Variants in WWOX observed in about 807,000 individuals in gnomAD.
WWOX encodes WW domain containing oxidoreductase.
Under a neutral mutation model 46.2 loss-of-function variants are expected in WWOX, and 69 were observed. The observed-to-expected ratio is 1.49, with a 90% confidence interval of 1.23 to 1.82. The LOEUF is 1.82. WWOX is among the 40% of genes most tolerant of loss of function. WWOX has a pLI of 0.00. For missense variants in WWOX, 919 were observed against 542.6 expected, an observed-to-expected ratio of 1.69 and a Z score of -6.89; for synonymous variants, 359 against 202.6, an observed-to-expected ratio of 1.77 and a Z score of -6.56.
At chr16:78,572,453 G>T (rs2044739781) in intron 8 of WWOX, among the ~76,000 whole-genome samples, 1 of 151,824 alleles carries the variant, frequency 6.6e-6, no homozygotes, top group Non-Finnish European at 1.5e-5. Flanking sequence ...AAATTAGCCA[G>T]TGTGGTATCA....
chr16:78,427,535 C>T (rs531624233), intron 7 of WWOX, among the ~76,000 whole-genome samples: 2 of 150,790 alleles, frequency 1.3e-5, no homozygotes, highest in African/African-American at 4.9e-5. Context: ...CACATACACG[C>T]ACGCACGCAC....
intron 7 of WWOX, among the ~76,000 whole-genome samples, chr16:78,426,155 G>A (rs549606989): frequency 1.3e-5 from 2 of 152,310 alleles, no homozygotes; most frequent in African/African-American, 4.8e-5. Flanking sequence ...GAAACATCTA[G>A]TAATTAGGTG....
chr16:78,998,917 A>G (rs1182239391), intron 8 of WWOX, among the ~76,000 whole-genome samples: 2 of 152,222 alleles, frequency 1.3e-5, no homozygotes, highest in Admixed American at 6.5e-5. Context: ...CTATGCATGT[A>G]TAAATGTCCC....
rs562268964 is a variant in WWOX at position 78,478,148 on chromosome 16, G to A, written c.1056+45396G>A. ...ATGAAAAACACAGCAAGGTATGTAC[G>A]GTTTAAAGTGTAATCAATTTTGAGG... On this transcript the variant is annotated intron_variant, in intron 8 of 8. Coordinates refer to ENST00000566780, the MANE Select transcript of WWOX (RefSeq NM_016373.4). 1.6e-4 allele frequency among the ~76,000 whole-genome samples: 24 copies of A among 152,160 alleles called. 1 individual carries two copies. The highest frequency in any genetic ancestry group is 6.5e-4 in the Admixed American group (10 of 15,294).
intron 8 of WWOX, among the ~76,000 whole-genome samples, chr16:78,960,655 A>T: frequency 6.6e-6 from 1 of 152,334 alleles, no homozygotes; most frequent in South Asian, 2.1e-4. Flanking sequence ...GTCTGGAGGG[A>T]ACAGAGAGCC....
rs2051788671 is a variant in WWOX at position 79,212,227 on chromosome 16, T to C, written c.*431T>C. The C allele has an allele frequency of 7.2e-7, 1 of 1,382,120 alleles. No individual in the cohort carries two copies. The highest frequency in any genetic ancestry group is 1.5e-5 in the African/African-American group (1 of 68,448). 85.6% of individuals were successfully genotyped at this position (1,382,120 alleles called of 1,614,324 possible). A position where few individuals can be genotyped will look rare whatever the true frequency, so the allele number is the denominator to read the frequency against. The stretch of plus-strand genomic sequence containing the variant: ...TAGGGAAGAAAAAGCAAGTGTTCAC[T>C]GCTCCTTGCTGCATTGATCCAGGAG... On this transcript the variant is annotated 3_prime_UTR_variant, in exon 9 of 9. Coordinates refer to ENST00000566780, the MANE Select transcript of WWOX (RefSeq NM_016373.4).
intron 8 of WWOX, among the ~76,000 whole-genome samples, chr16:78,697,836 G>A (rs1292699255): frequency 6.6e-6 from 1 of 152,028 alleles, no homozygotes; most frequent in Non-Finnish European, 1.5e-5. Flanking sequence ...ATCTGTTTTG[G>A]TCCTGACAAT....
At chr16:78,774,212 C>A (rs55767871) in intron 8 of WWOX, among the ~76,000 whole-genome samples, 5 of 152,194 alleles carry the variant, frequency 3.3e-5, no homozygotes, top group African/African-American at 9.6e-5. Flanking sequence ...ACCATCCTGG[C>A]CAACATGGTG....
At chr16:78,605,819 C>T (rs1398682699) in intron 8 of WWOX, among the ~76,000 whole-genome samples, 1 of 152,090 alleles carries the variant, frequency 6.6e-6, no homozygotes, top group Non-Finnish European at 1.5e-5. Flanking sequence ...GAACCTTTCC[C>T]CTGGTTAAGT....
chr16:79,049,273 A>C (rs1193640577), intron 8 of WWOX, among the ~76,000 whole-genome samples: 2 of 152,200 alleles, frequency 1.3e-5, no homozygotes, highest in African/African-American at 4.8e-5. Context: ...GAGGAGGGCC[A>C]GATTTTGCCT....
At chr16:78,113,174 A>C (rs1417767098) in intron 3 of WWOX, among the ~76,000 whole-genome samples, 1 of 152,164 alleles carries the variant, frequency 6.6e-6, no homozygotes. Flanking sequence ...TGGGAATTCA[A>C]TAAAAATGTA....
chr16:78,712,711 T>A (rs1476454311), intron 8 of WWOX, among the ~76,000 whole-genome samples: 2 of 152,222 alleles, frequency 1.3e-5, no homozygotes, highest in East Asian at 1.9e-4. Flanking sequence ...ATATTTTAAT[T>A]GAGTTTATGT....
At chr16:78,986,373 C>T (rs984236830) in intron 8 of WWOX, among the ~76,000 whole-genome samples, 1 of 152,172 alleles carries the variant, frequency 6.6e-6, no homozygotes, top group African/African-American at 2.4e-5. Flanking sequence ...CTAATATCCT[C>T]CCTGTGCTCC....
chr16:78,919,406 G>T (rs765780181), intron 8 of WWOX, among the ~76,000 whole-genome samples: 1 of 151,906 alleles, frequency 6.6e-6, no homozygotes, highest in South Asian at 2.1e-4. Flanking sequence ...TTGCTCCATG[G>T]TCTAGCACAG....
At chr16:78,443,028 C>G (rs1009522832) in intron 8 of WWOX, among the ~76,000 whole-genome samples, 2 of 149,964 alleles carry the variant, frequency 1.3e-5, no homozygotes, top group Non-Finnish European at 2.9e-5. Context: ...CCCAGCTACT[C>G]AGGAGGCTAA....
chr16:79,143,145 T>G (rs914638895), intron 8 of WWOX, among the ~76,000 whole-genome samples: 17 of 152,192 alleles, frequency 1.1e-4, no homozygotes, highest in Non-Finnish European at 5.9e-5. Flanking sequence ...GGTCTGGTCT[T>G]CCAAATTTAA....
chr16:78,763,018 G>A lies in WWOX; in HGVS notation c.1056+330266G>A, dbSNP rs112805428. ...AGCAATAGATCTCCATATGCAGAGG[G>A]GTAACTGAGTACGACTCTGGGACTT... On this transcript the variant is annotated intron_variant, in intron 8 of 8. Coordinates refer to ENST00000566780, the MANE Select transcript of WWOX (RefSeq NM_016373.4). Among the ~76,000 whole-genome samples the A allele has an allele frequency of 5.4e-3, 822 of 152,248 alleles. 9 individuals are homozygous for A. Among genetic ancestry groups the A allele is most frequent in the African/African-American group, 0.018 (765 of 41,534 alleles).
In WWOX at chr16:78,226,228, G is replaced by C. The variant is rs145002250; in HGVS notation, c.516+61939G>C. Among the ~76,000 whole-genome samples, 180 of 152,186 alleles carry C rather than the reference G, an allele frequency of 1.2e-3. 1 individual carries two copies. The East Asian group carries it at 0.024, about 21-fold the overall frequency. Reference sequence around the variant, plus strand: ...TTCTGCCCTCTCCAGTTTGAGTTTAGGTTAAATTCAGCTTGCAGATTGCAC... The same window carrying C: ...TTCTGCCCTCTCCAGTTTGAGTTTACGTTAAATTCAGCTTGCAGATTGCAC... On this transcript the variant is annotated intron_variant, in intron 5 of 8. Coordinates refer to ENST00000566780, the MANE Select transcript of WWOX (RefSeq NM_016373.4).
At chr16:78,426,364 T>C (rs1188489540) in intron 7 of WWOX, among the ~76,000 whole-genome samples, 1 of 152,160 alleles carries the variant, frequency 6.6e-6, no homozygotes, top group Admixed American at 6.5e-5. Flanking sequence ...TGGTATTTAA[T>C]GGGAGATTAT....
Sources: allele counts gnomAD v4.1 joint callset (sites outside exome capture counted in the v4.1 genomes callset), GRCh38; gene constraint gnomAD v4.1.1; transcripts MANE v1.5; gene names NCBI Gene and HGNC (gene_info 2026-07-23, HGNC 2026-07-21).